WWOX: variants seen among roughly 807,000 people sequenced by gnomAD.
The protein encoded by WWOX is WW domain-containing oxidoreductase.
In WWOX, 69 loss-of-function variants were observed where a neutral mutation model predicts 46.2. The observed-to-expected ratio is 1.49, with a 90% CI of 1.23 to 1.82. The LOEUF is 1.82. Ranked by LOEUF, WWOX falls within the 40% of genes most tolerant of loss-of-function variation. WWOX has a pLI of 0.00. For missense variants in WWOX, 919 were observed against 542.6 expected, an observed-to-expected ratio of 1.69 and a Z score of -6.89; for synonymous variants, 359 against 202.6, an observed-to-expected ratio of 1.77 and a Z score of -6.56.
intron 8 of WWOX, among the ~76,000 whole-genome samples, chr16:78,499,870 C>T (rs1297751270): frequency 1.3e-5 from 2 of 152,216 alleles, no homozygotes; most frequent in East Asian, 3.8e-4. Context: ...CCCTCCCTTA[C>T]ATTCCGTCTT....
chr16:79,184,018 A>G (rs1244045209), intron 8 of WWOX, among the ~76,000 whole-genome samples: 2 of 152,174 alleles, frequency 1.3e-5, no homozygotes, highest in East Asian at 1.9e-4. Flanking sequence ...CTGCATCTTT[A>G]TAACTCTCCT....
At chr16:78,443,060 C>T (rs533883268) in intron 8 of WWOX, among the ~76,000 whole-genome samples, 4 of 141,892 alleles carry the variant, frequency 2.8e-5, no homozygotes, top group Non-Finnish European at 6.0e-5. Context: ...GGCGTGAACC[C>T]GGGAGGTGGA....
intron 8 of WWOX, among the ~76,000 whole-genome samples, chr16:78,833,251 TC>T (rs2051881730): frequency 6.6e-6 from 1 of 152,066 alleles, no homozygotes; most frequent in Non-Finnish European, 1.5e-5. Flanking sequence ...CTTGCTTTTT[TC>T]TCCAGTCTGG....
intron 8 of WWOX, among the ~76,000 whole-genome samples, chr16:78,721,333 T>C (rs1428448670): frequency 1.3e-5 from 2 of 152,240 alleles, no homozygotes; most frequent in African/African-American, 2.4e-5. Flanking sequence ...AAAGATATCA[T>C]AATACCATTT....
At chr16:78,948,699 G>A (rs2045997254) in intron 8 of WWOX, among the ~76,000 whole-genome samples, 2 of 152,140 alleles carry the variant, frequency 1.3e-5, no homozygotes, top group South Asian at 4.1e-4. Context: ...TTTTGGGGCT[G>A]GTGGTAGGCA....
At chr16:79,072,982 A>G (rs2048579990) in intron 8 of WWOX, among the ~76,000 whole-genome samples, 1 of 152,100 alleles carries the variant, frequency 6.6e-6, no homozygotes, top group Non-Finnish European at 1.5e-5. Context: ...CACTGTTTTT[A>G]GTTGAAATGT....
intron 8 of WWOX, among the ~76,000 whole-genome samples, chr16:78,868,019 G>T (rs908253416): frequency 3.3e-5 from 5 of 152,206 alleles, no homozygotes; most frequent in African/African-American, 4.8e-5. Context: ...TGGCTCAGCA[G>T]TTCCCTTCCT....
intron 8 of WWOX, among the ~76,000 whole-genome samples, chr16:78,986,137 A>G (rs575455211): frequency 6.6e-6 from 1 of 152,354 alleles, no homozygotes; most frequent in African/African-American, 2.4e-5. Flanking sequence ...GAGCACACAT[A>G]CATTCCTGGT....
At position 78,140,600 on chromosome 16, in the gene WWOX, T is replaced by A. The variant is rs9925791; in HGVS notation, c.410-23583T>A. ...GGTAATTCCAGTCTCTGCCTCCATC[T>A]GCACAAGCCATTCTCCCTGTATCTT... On this transcript the variant is annotated intron_variant, in intron 4 of 8. Coordinates refer to ENST00000566780, the MANE Select transcript of WWOX (RefSeq NM_016373.4). Among the ~76,000 whole-genome samples the A allele has an allele frequency of 4.5e-3, 679 of 152,306 alleles. 6 individuals carry two copies. The highest frequency in any genetic ancestry group is 0.015 in the African/African-American group (644 of 41,574).
chr16:78,469,791 C>G (rs7186413), intron 8 of WWOX, among the ~76,000 whole-genome samples: 20,786 of 152,178 alleles, frequency 0.14, 1,519 homozygotes, highest in Non-Finnish European at 0.16. Context: ...AGAGCTTCCT[C>G]TCAGTGCTAG....
At chr16:78,647,866 T>A (rs2046880064) in intron 8 of WWOX, among the ~76,000 whole-genome samples, 1 of 151,628 alleles carries the variant, frequency 6.6e-6, no homozygotes, top group East Asian at 1.9e-4. Context: ...CAGCTCTTTT[T>A]TTCTCTCTCA....
intron 8 of WWOX, among the ~76,000 whole-genome samples, chr16:78,488,551 T>G (rs1402462073): frequency 6.6e-6 from 1 of 152,168 alleles, no homozygotes; most frequent in East Asian, 1.9e-4. Context: ...CTGACTGCTT[T>G]TTGGCCCTAC....
chr16:78,289,301 G>T (rs752367235), intron 5 of WWOX, among the ~76,000 whole-genome samples: 1 of 152,204 alleles, frequency 6.6e-6, no homozygotes, highest in African/African-American at 2.4e-5. Flanking sequence ...AAACCTAGGC[G>T]AGGAGAGTTG....
chr16:78,767,093 C>A (rs938263685), intron 8 of WWOX, among the ~76,000 whole-genome samples: 1 of 139,548 alleles, frequency 7.2e-6, no homozygotes, highest in East Asian at 2.4e-4. Context: ...TCTCTCTCTC[C>A]TTTCCTCCCT....
intron 5 of WWOX, among the ~76,000 whole-genome samples, chr16:78,214,477 A>G (rs1032966617): frequency 6.6e-6 from 1 of 151,510 alleles, no homozygotes; most frequent in African/African-American, 2.4e-5. Context: ...CTGCACTCCC[A>G]CCCCTGTCAT....
chr16:78,945,460 T>A (rs1331984942), intron 8 of WWOX, among the ~76,000 whole-genome samples: 1 of 152,232 alleles, frequency 6.6e-6, no homozygotes, highest in African/African-American at 2.4e-5. Context: ...GTCTGTACTG[T>A]AACTAAAAAA....
At chr16:79,139,903 T>C (rs1207421386) in intron 8 of WWOX, among the ~76,000 whole-genome samples, 1 of 152,228 alleles carries the variant, frequency 6.6e-6, no homozygotes, top group African/African-American at 2.4e-5. Context: ...CATAAACTAT[T>C]TGAAAGAAGC....
chr16:78,452,907 C>A (rs2083727273), intron 8 of WWOX, among the ~76,000 whole-genome samples: 1 of 131,920 alleles, frequency 7.6e-6, no homozygotes, highest in Admixed American at 7.3e-5. Context: ...GAATCTTACT[C>A]TGTTGCCCAG....
At chr16:78,515,987 C>G (rs1008403762) in intron 8 of WWOX, among the ~76,000 whole-genome samples, 14 of 152,122 alleles carry the variant, frequency 9.2e-5, no homozygotes, top group Admixed American at 5.2e-4. Flanking sequence ...TTCCATCCCC[C>G]CTTGTCCCCC....
Sources: gnomAD v4.1 joint callset for allele counts (sites outside exome capture counted in the v4.1 genomes callset) on GRCh38, gnomAD v4.1.1 for gene constraint, MANE v1.5 for transcripts, NCBI Gene and HGNC (gene_info 2026-07-23, HGNC 2026-07-21) for gene names.